The following ELAPOR2 variants were observed in gnomAD, a reference collection of about 807,000 sequenced individuals.
ELAPOR2 encodes endosome/lysosome-associated apoptosis and autophagy regulator family member 2.
A neutral mutation model predicts 120.7 loss-of-function variants in ELAPOR2; 89 were observed. The ratio of observed to expected loss-of-function variants is 0.74; its 90% CI spans 0.62 to 0.88. The LOEUF is 0.88. ELAPOR2 is among the 40% of genes least tolerant of loss of function. The probability of loss-of-function intolerance (pLI) is 0.00; values close to 1 mark genes in which losing one functional copy is unlikely to be tolerated. For missense variants in ELAPOR2, 1,134 were observed against 1,251.6 expected (o/e 0.91, Z 1.42); for synonymous variants, 444 against 444.9 (o/e 1.00, Z 0.03).
At chr7:86,986,211 C>G in intron 1 of ELAPOR2, among the ~76,000 whole-genome samples, 1 of 121,128 alleles carries the variant, frequency 8.3e-6, no homozygotes. Flanking sequence ...GGGCGGATCA[C>G]GAGGTCAGGA....
chr7:86,892,800 G>T, intron 20 of ELAPOR2, 122 bp downstream of exon 20: 16 of 849,742 alleles, frequency 1.9e-5, no homozygotes, highest in South Asian at 4.1e-5. Context: ...TGATTTCTTC[G>T]CAAGGAGAAA....
chr7:87,031,355 C>A (rs1007358068), intron 1 of ELAPOR2, among the ~76,000 whole-genome samples: 11 of 152,192 alleles, frequency 7.2e-5, no homozygotes, highest in Admixed American at 5.9e-4. Context: ...TGTCAATGCT[C>A]ATTACCATGA....
chr7:86,922,392 ATATT>A (rs1370004860), intron 10 of ELAPOR2, among the ~76,000 whole-genome samples: 9 of 151,748 alleles, frequency 5.9e-5, no homozygotes, highest in African/African-American at 2.4e-5. Flanking sequence ...AATCATACTT[ATATT>A]TATCATAAAA....
At position 86,926,792 on chromosome 7, in the gene ELAPOR2, T is replaced by C. The variant is rs766355069; in HGVS notation, c.1214A>G (p.Asn405Ser). The stretch of plus-strand genomic sequence containing the variant: ...ACAGGGATGGCAAGAAGATGATCCA[T>C]TGTTATAAAATCCAGGGTTGCAAGG... The part of the protein sequence containing the change: ...CPPCNPGFYN[N>S]GSSSCHPCPP... The change falls in exon 9 of 22, where the codon AAT (asparagine) becomes AGT (serine). Residue 405 changes from asparagine (N) to serine (S), a missense_variant. By Grantham distance (46) the Asn-to-Ser change is conservative. Around this residue, in one of 3 missense-constraint regions of ELAPOR2, gnomAD observed 831 missense variants for 867.6 expected, o/e 0.96. Transcript: ENST00000450689. 222 of 1,612,104 alleles carry C rather than the reference T, an allele frequency of 1.4e-4. 2 individuals are homozygous for C. The South Asian group carries it at 2.3e-3, about 17-fold the overall frequency.
chr7:86,948,145 A>G (rs1048460445), intron 2 of ELAPOR2, among the ~76,000 whole-genome samples: 2 of 152,122 alleles, frequency 1.3e-5, no homozygotes, highest in African/African-American at 4.8e-5. Flanking sequence ...CAGAATTCCT[A>G]TCATTCCCAA....
intron 1 of ELAPOR2, among the ~76,000 whole-genome samples, chr7:86,992,015 G>C (rs117578296): frequency 0.015 from 2,255 of 152,250 alleles, 28 homozygotes; most frequent in Non-Finnish European, 0.023. Context: ...AGGAAAATGG[G>C]GATAATAGAT....
chr7:87,039,384 G>T (rs950392960), intron 1 of ELAPOR2, among the ~76,000 whole-genome samples: 10 of 152,134 alleles, frequency 6.6e-5, no homozygotes, highest in Non-Finnish European at 1.5e-4. Flanking sequence ...CCCAAGAGGA[G>T]AGAATACTTC....
chr7:86,946,689 C>T (rs1791023818), intron 3 of ELAPOR2, among the ~76,000 whole-genome samples: 1 of 152,128 alleles, frequency 6.6e-6, no homozygotes, highest in Non-Finnish European at 1.5e-5. Flanking sequence ...CGCACTGGCC[C>T]AGACTCAAAT....
intron 1 of ELAPOR2, among the ~76,000 whole-genome samples, chr7:87,019,231 G>A (rs111718491): frequency 2.6e-5 from 4 of 152,162 alleles, no homozygotes; most frequent in African/African-American, 9.6e-5. Context: ...TAGCACAATC[G>A]CAGCTCACTA....
chr7:86,882,759 T>C (rs1453630811), intron 21 of ELAPOR2, among the ~76,000 whole-genome samples: 8 of 152,168 alleles, frequency 5.3e-5, no homozygotes, highest in Non-Finnish European at 8.8e-5. Flanking sequence ...GATTGGAACT[T>C]GGGAGACATG....
At chr7:87,025,159 C>A (rs1275253001) in intron 1 of ELAPOR2, among the ~76,000 whole-genome samples, 1 of 152,032 alleles carries the variant, frequency 6.6e-6, no homozygotes, top group Non-Finnish European at 1.5e-5. Context: ...TGTCTAAATT[C>A]AATTCGTTTA....
At chr7:86,902,565 T>A (rs1359943295) in intron 18 of ELAPOR2, among the ~76,000 whole-genome samples, 1 of 152,192 alleles carries the variant, frequency 6.6e-6, no homozygotes, top group African/African-American at 2.4e-5. Flanking sequence ...CTCTTACTAC[T>A]ATCACTTCAG....
chr7:86,926,490 G>T (rs1467174300), intron 9 of ELAPOR2, among the ~76,000 whole-genome samples: 3 of 151,956 alleles, frequency 2.0e-5, no homozygotes, highest in Non-Finnish European at 2.9e-5. Context: ...TCAAATCCAA[G>T]TCAGTTTGCC....
intron 1 of ELAPOR2, 93 bp from the exon 2 acceptor site, chr7:86,965,117 T>C (rs1791858407): frequency 7.6e-7 from 1 of 1,308,724 alleles, no homozygotes; most frequent in Non-Finnish European, 1.1e-6. Flanking sequence ...GTTTCCAAGC[T>C]GTACCCTCTC....
intron 1 of ELAPOR2, among the ~76,000 whole-genome samples, chr7:87,047,963 C>T (rs781549549): frequency 2.0e-5 from 3 of 152,064 alleles, no homozygotes; most frequent in East Asian, 1.9e-4. Context: ...AAATGTGGTA[C>T]GGCTGGGTGC....
intron 1 of ELAPOR2, among the ~76,000 whole-genome samples, chr7:87,015,782 G>A (rs1208557644): frequency 6.6e-6 from 1 of 152,082 alleles, no homozygotes; most frequent in Non-Finnish European, 1.5e-5. Context: ...CCAAGATCAC[G>A]CCACTGCACT....
chr7:87,030,417 T>TGTTGA (rs1278463534), intron 1 of ELAPOR2, among the ~76,000 whole-genome samples: 1 of 151,654 alleles, frequency 6.6e-6, no homozygotes, highest in East Asian at 1.9e-4. Context: ...TCAACAGAAT[T>TGTTGA]CTCATCAGCT....
intron 18 of ELAPOR2, among the ~76,000 whole-genome samples, chr7:86,903,184 A>G (rs1051279437): frequency 6.6e-6 from 1 of 152,316 alleles, no homozygotes; most frequent in South Asian, 2.1e-4. Flanking sequence ...GAAAATTTTA[A>G]GAATGGTTTG....
chr7:86,939,671 T>C (rs1437104432), intron 6 of ELAPOR2, among the ~76,000 whole-genome samples: 1 of 152,110 alleles, frequency 6.6e-6, no homozygotes, highest in East Asian at 1.9e-4. Context: ...ATCAGTTCCC[T>C]GGTAAGCCCA....
Sources: allele counts gnomAD v4.1 joint callset (sites outside exome capture counted in the v4.1 genomes callset), GRCh38; gene constraint gnomAD v4.1.1; regional missense constraint gnomAD v4.1.1; transcripts MANE v1.5; gene names NCBI Gene and HGNC (gene_info 2026-07-23, HGNC 2026-07-21).